COL8A1: variants seen among roughly 807,000 people sequenced by gnomAD.
COL8A1 encodes collagen type VIII alpha 1 chain, also known as collagen alpha-1(VIII) chain.
In COL8A1, 21 loss-of-function variants were observed where a neutral mutation model predicts 42.7. That is an observed-to-expected ratio of 0.49 (90% CI 0.35 to 0.71). COL8A1 has a LOEUF of 0.71. Among genes scored for constraint, COL8A1 ranks in the 30% least tolerant of loss-of-function variants. The pLI is 0.01. For synonymous variants in COL8A1, 367 were observed against 369.1 expected, an observed-to-expected ratio of 0.99 and a Z score of 0.06; for missense variants, 788 against 962.4, an observed-to-expected ratio of 0.82 and a Z score of 2.40.
At chr3:99,792,743 C>T (rs1346212992) in intron 3 of COL8A1, among the ~76,000 whole-genome samples, 1 of 152,202 alleles carries the variant, frequency 6.6e-6, no homozygotes, top group East Asian at 1.9e-4. Flanking sequence ...GTTTATCATT[C>T]TAAAATATCT....
At chr3:99,741,934 G>A (rs2089536604) in intron 1 of COL8A1, among the ~76,000 whole-genome samples, 1 of 152,076 alleles carries the variant, frequency 6.6e-6, no homozygotes, top group Non-Finnish European at 1.5e-5. Context: ...ATTTTTTAAG[G>A]AATAAAGCAA....
chr3:99,776,841 G>T (rs993619267), intron 2 of COL8A1, among the ~76,000 whole-genome samples: 3 of 152,176 alleles, frequency 2.0e-5, no homozygotes, highest in African/African-American at 7.2e-5. Context: ...AGAACTGAGG[G>T]TTCCTCCCCT....
At chr3:99,669,630 T>C (rs549956839) in intron 1 of COL8A1, among the ~76,000 whole-genome samples, 1 of 152,126 alleles carries the variant, frequency 6.6e-6, no homozygotes, top group South Asian at 2.1e-4. Flanking sequence ...AATGAAAGAA[T>C]GAACTGCCTT....
chr3:99,755,233 G>A (rs1044145176), intron 2 of COL8A1, among the ~76,000 whole-genome samples: 6 of 152,038 alleles, frequency 3.9e-5, no homozygotes, highest in African/African-American at 1.4e-4. Flanking sequence ...CTAGTTATTA[G>A]GCCTATGCTT....
chr3:99,776,567 G>A (rs945793464), intron 2 of COL8A1, among the ~76,000 whole-genome samples: 7 of 152,112 alleles, frequency 4.6e-5, no homozygotes, highest in Admixed American at 1.3e-4. Flanking sequence ...AAAAAATTAG[G>A]AATAAATGAA....
At position 99,747,638 on chromosome 3, in the gene COL8A1, T is replaced by C. The variant is rs574597092; in HGVS notation, c.-4+2617T>C. ...CTTTGAAGAACACGGGATTTTATATTATACGACAGCAATAAACTCCAATTT... is the reference window on the plus strand; with the variant it reads ...CTTTGAAGAACACGGGATTTTATATCATACGACAGCAATAAACTCCAATTT... On this transcript the variant is annotated intron_variant, in intron 2 of 3. Coordinates refer to ENST00000652472, the MANE Select transcript of COL8A1 (RefSeq NM_020351.4). Among the ~76,000 whole-genome samples, 9 of 152,324 alleles carry C rather than the reference T, an allele frequency of 5.9e-5. No homozygotes were observed. In the East Asian group the frequency reaches 1.7e-3, roughly 29 times the overall value.
chr3:99,777,052 A>G (rs1389925690), intron 2 of COL8A1, among the ~76,000 whole-genome samples: 1 of 152,134 alleles, frequency 6.6e-6, no homozygotes, highest in Non-Finnish European at 1.5e-5. Context: ...TTTATCAGCA[A>G]CATCTTTGTG....
rs1475352169 is a variant in COL8A1 at position 99,790,931 on chromosome 3, T to C, written c.249T>C (p.Tyr83=). 3 of 1,614,028 alleles carry C rather than the reference T, an allele frequency of 1.9e-6. No individual in the cohort carries two copies. The highest frequency in any genetic ancestry group is 2.7e-5 in the African/African-American group (2 of 74,912). The part of the protein sequence containing the change: ...EMPHLQYGKE[Y]PHLPQYMKEI... ...CCCACTTGCAGTATGGCAAAGAGTATCCACACCTACCCCAATATATGAAGG... is the reference window on the plus strand; with the variant it reads ...CCCACTTGCAGTATGGCAAAGAGTACCCACACCTACCCCAATATATGAAGG... The change falls in exon 3 of 4, where the codon TAT becomes TAC. Residue 83 remains tyrosine, a synonymous_variant. Transcript: ENST00000652472.
intron 2 of COL8A1, among the ~76,000 whole-genome samples, chr3:99,781,056 G>A (rs1288902563): frequency 1.3e-5 from 2 of 152,288 alleles, no homozygotes; most frequent in Non-Finnish European, 2.9e-5. Flanking sequence ...TCACAATTGA[G>A]TATTTTAGGC....
intron 1 of COL8A1, among the ~76,000 whole-genome samples, chr3:99,658,904 T>A (rs1174452308): frequency 1.3e-5 from 2 of 152,182 alleles, no homozygotes; most frequent in African/African-American, 4.8e-5. Context: ...CCAGAGTGTT[T>A]TAAAGTGTAG....
intron 2 of COL8A1, among the ~76,000 whole-genome samples, chr3:99,750,915 C>A (rs932828589): frequency 6.6e-6 from 1 of 152,184 alleles, no homozygotes; most frequent in Non-Finnish European, 1.5e-5. Flanking sequence ...TCAATCATTT[C>A]TAATGGCATC....
chr3:99,678,070 G>A (rs140493814), intron 1 of COL8A1: 1 of 152,234 alleles, frequency 6.6e-6, no homozygotes, highest in East Asian at 1.9e-4. Flanking sequence ...GGAAATGAGG[G>A]GGACCAGTAT....
At chr3:99,695,777 C>T (rs1008226104) in intron 1 of COL8A1, among the ~76,000 whole-genome samples, 4 of 152,086 alleles carry the variant, frequency 2.6e-5, no homozygotes, top group East Asian at 3.8e-4. Flanking sequence ...TTTTGTTCCT[C>T]GTTATATCTA....
rs547925222 is a variant in COL8A1 at position 99,738,826 on chromosome 3, G to A, written c.-128-6071G>A. 2.4e-4 allele frequency among the ~76,000 whole-genome samples: 36 copies of A among 152,230 alleles called. No homozygotes were observed. The East Asian group carries it at 3.9e-3, about 16-fold the overall frequency. On this transcript the variant is annotated intron_variant, in intron 1 of 3. Transcript: ENST00000652472. ...TGGCGGGCACCCCTCCCCCAGCCTC[G>A]CTGCTGCCTTGCAGTTTGATCTCAG...
At chr3:99,765,972 T>C (rs1396708112) in intron 2 of COL8A1, among the ~76,000 whole-genome samples, 1 of 152,234 alleles carries the variant, frequency 6.6e-6, no homozygotes, top group Non-Finnish European at 1.5e-5. Flanking sequence ...ATATATCAAA[T>C]GTTAGCTCAA....
chr3:99,744,673 T>C (rs1046087895), intron 1 of COL8A1, among the ~76,000 whole-genome samples: 8 of 152,216 alleles, frequency 5.3e-5, no homozygotes, highest in African/African-American at 1.7e-4. Flanking sequence ...GAAATTGAAC[T>C]GGTGAGAACT....
Position 99,707,845 on chromosome 3 carries a change from G to A in COL8A1, c.-128-37052G>A, listed in dbSNP as rs183850556. ...ACTATGTGCAGATACTGCTCTAAGA[G>A]CCTTACATTTCATTCAAGTAATCCC... is the stretch of plus-strand genomic sequence containing the variant. On this transcript the variant is annotated intron_variant, in intron 1 of 3. Transcript: ENST00000652472. 2.6e-5 allele frequency among the ~76,000 whole-genome samples: 4 copies of A among 152,264 alleles called. No homozygotes were observed. The East Asian group carries it at 7.7e-4, about 29-fold the overall frequency.
chr3:99,688,826 C>A (rs1045716560), intron 1 of COL8A1, among the ~76,000 whole-genome samples: 6 of 152,142 alleles, frequency 3.9e-5, no homozygotes, highest in African/African-American at 1.4e-4. Context: ...GGATTTCTCA[C>A]CCTCAGCACT....
Position 99,795,011 on chromosome 3 carries a change from T to C in COL8A1, c.1110T>C (p.Ala370=). 2.5e-6 allele frequency: 4 copies of C among 1,607,544 alleles called. 1 individual carries two copies. In the South Asian group the frequency reaches 4.4e-5, roughly 18 times the overall value. ...GGGGCATGGGAGGTGTTCCTGGGGC[T>C]CTTGGACCAAGAGGGGAGAAAGGAC... is the stretch of plus-strand genomic sequence containing the variant. ...GDRGMGGVPG[A]LGPRGEKGPI... The change falls in exon 4 of 4, where the codon GCT becomes GCC. Residue 370 remains alanine, a synonymous_variant. Coordinates refer to ENST00000652472, the MANE Select transcript of COL8A1 (RefSeq NM_020351.4).
Sources: allele counts gnomAD v4.1 joint callset (sites outside exome capture counted in the v4.1 genomes callset), GRCh38; gene constraint gnomAD v4.1.1; transcripts MANE v1.5; gene names NCBI Gene and HGNC (gene_info 2026-07-23, HGNC 2026-07-21).